The following PALMD variants were observed in gnomAD, a reference collection of about 807,000 sequenced individuals.
The protein encoded by PALMD is paralemmin-like protein.
In PALMD, 42 loss-of-function variants were observed where a neutral mutation model predicts 56.2. That is an observed-to-expected ratio of 0.75 (90% confidence interval 0.58 to 0.97). The LOEUF (loss-of-function observed/expected upper bound fraction) is 0.97. PALMD is among the 50% of genes least tolerant of loss of function. PALMD has a pLI of 0.00. For synonymous variants in PALMD, 242 were observed against 222.9 expected, an observed-to-expected ratio of 1.09 and a Z score of -0.76; for missense variants, 660 against 643.8, an observed-to-expected ratio of 1.03 and a Z score of -0.27.
rs144467486 is a variant in PALMD at position 99,659,510 on chromosome 1, T to C, written c.46-2809T>C. On this transcript the variant is annotated intron_variant, in intron 1 of 7. Coordinates refer to ENST00000263174, the MANE Select transcript of PALMD (RefSeq NM_017734.5). ...CTATCTATAGAAGTGCTCCAGGTTC[T>C]GGGGAAATTTAGGGAAGCAGGTGGC... Among the ~76,000 whole-genome samples, 248 of 152,328 alleles carry C rather than the reference T, an allele frequency of 1.6e-3. 1 individual carries two copies. The highest frequency in any genetic ancestry group is 5.6e-3 in the African/African-American group (231 of 41,574).
At position 99,689,619 on chromosome 1, in the gene PALMD, GGAT is replaced by G; in HGVS notation, c.1362_1364del (p.Asp454del). ...TTGTGATTGATGATGAGGAGGAGGA[GGAT>G]GAAGGAGAAGCAGAGAAACCGTCCT... On this transcript the variant is annotated inframe_deletion, in exon 7 of 8. Coordinates refer to ENST00000263174, the MANE Select transcript of PALMD (RefSeq NM_017734.5). The G allele has an allele frequency of 6.2e-7, 1 of 1,613,782 alleles. No homozygotes were observed. The highest frequency in any genetic ancestry group is 8.5e-7 in the Non-Finnish European group (1 of 1,179,846).
intron 3 of PALMD, chr1:99,684,541 T>TTTTG (rs112057007): frequency 0.081 from 12,329 of 152,240 alleles, 1,084 homozygotes; most frequent in African/African-American, 0.22. Flanking sequence ...GTTTGTTTGT[T>TTTTG]AGCCCAGATC....
At chr1:99,689,912 T>C in intron 7 of PALMD, 40 bp downstream of exon 7, 1 of 1,536,362 alleles carries the variant, frequency 6.5e-7, no homozygotes, top group South Asian at 1.3e-5. Flanking sequence ...TGTTCAGTCA[T>C]GTGACCAGCT....
At chr1:99,676,761 A>G (rs1571069867) in intron 3 of PALMD, among the ~76,000 whole-genome samples, 1 of 151,714 alleles carries the variant, frequency 6.6e-6, no homozygotes, top group Non-Finnish European at 1.5e-5. Context: ...GATGAAATTT[A>G]TTAAACCCCA....
At chr1:99,672,737 C>A (rs1653113578) in intron 3 of PALMD, among the ~76,000 whole-genome samples, 1 of 152,166 alleles carries the variant, frequency 6.6e-6, no homozygotes, top group African/African-American at 2.4e-5. Flanking sequence ...CACAGAGCGC[C>A]TGACAGAAAT....
intron 1 of PALMD, among the ~76,000 whole-genome samples, chr1:99,647,973 C>T (rs752339785): frequency 3.3e-5 from 5 of 152,106 alleles, no homozygotes; most frequent in East Asian, 1.9e-4. Flanking sequence ...AGGTTCCAAA[C>T]GCAAATAGAG....
chr1:99,665,309 A>G (rs1652938496), intron 2 of PALMD, among the ~76,000 whole-genome samples: 1 of 152,142 alleles, frequency 6.6e-6, no homozygotes, highest in Non-Finnish European at 1.5e-5. Context: ...ATTTCATTGT[A>G]AAGTAGATTT....
At chr1:99,658,410 G>C (rs1206072162) in intron 1 of PALMD, among the ~76,000 whole-genome samples, 4 of 151,970 alleles carry the variant, frequency 2.6e-5, no homozygotes, top group African/African-American at 4.8e-5. Flanking sequence ...TAGGAGGATT[G>C]CTTGAGCTCA....
At position 99,689,714 on chromosome 1, in the gene PALMD, G is replaced by A; in HGVS notation, c.1454G>A (p.Arg485Lys). ...PAKPTPLPRK[R>K]SEASPHENTN... Reference sequence around the variant, plus strand: ...AAACCAACACCACTTCCTAGAAAAAGATCAGAAGCTAGTCCTCATGAAAAC... The same window carrying A: ...AAACCAACACCACTTCCTAGAAAAAAATCAGAAGCTAGTCCTCATGAAAAC... Residue 485 changes from arginine to lysine, a missense_variant, in exon 7 of 8, where the codon AGA becomes AAA. Physicochemically the swap from Arg to Lys is conservative, Grantham distance 26. Coordinates refer to ENST00000263174, the MANE Select transcript of PALMD (RefSeq NM_017734.5). 6.2e-7 allele frequency: 1 copy of A among 1,613,728 alleles called. No individual in the cohort carries two copies. The highest frequency in any genetic ancestry group is 8.5e-7 in the Non-Finnish European group (1 of 1,179,828).
intron 2 of PALMD, among the ~76,000 whole-genome samples, chr1:99,666,629 G>T (rs1052268199): frequency 1.3e-5 from 2 of 152,022 alleles, no homozygotes; most frequent in Non-Finnish European, 2.9e-5. Flanking sequence ...AATCCCCAAT[G>T]AATAATTAAC....
intron 1 of PALMD, among the ~76,000 whole-genome samples, chr1:99,648,347 C>A (rs567963444): frequency 2.0e-5 from 3 of 152,154 alleles, no homozygotes; most frequent in Non-Finnish European, 4.4e-5. Context: ...CCCTCTTGGA[C>A]GCCCTGGGAC....
chr1:99,664,920 C>A (rs1652926769), intron 2 of PALMD, among the ~76,000 whole-genome samples: 1 of 152,158 alleles, frequency 6.6e-6, no homozygotes, highest in Non-Finnish European at 1.5e-5. Context: ...TGTAGTAACT[C>A]CCTCTGATAT....
intron 3 of PALMD, among the ~76,000 whole-genome samples, chr1:99,682,374 G>A (rs906344936): frequency 8.5e-5 from 13 of 152,186 alleles, no homozygotes; most frequent in Non-Finnish European, 1.9e-4. Context: ...ATGGGAGGGA[G>A]GTGTTTGTTT....
In PALMD at chr1:99,689,810, T is replaced by C. The variant is rs1348576325; in HGVS notation, c.1550T>C (p.Val517Ala). ...CAAGAAGAAAGCTTAGGCAGCCCTG[T>C]CCACCATTCCCCATTTGATGCTCAG... ...KEQEESLGSP[V>A]HHSPFDAQTT... Residue 517 changes from valine (V) to alanine (A), a missense_variant, in exon 7 of 8, where the codon GTC becomes GCC. Coordinates refer to ENST00000263174, the MANE Select transcript of PALMD (RefSeq NM_017734.5). The C allele has an allele frequency of 1.2e-6, 2 of 1,613,328 alleles. No individual in the cohort carries two copies. The highest frequency in any genetic ancestry group is 2.2e-5 in the East Asian group (1 of 44,862).
intron 3 of PALMD, among the ~76,000 whole-genome samples, chr1:99,682,736 G>C (rs576131358): frequency 1.3e-5 from 2 of 151,724 alleles, no homozygotes; most frequent in African/African-American, 4.8e-5. Flanking sequence ...TGAAGTCATC[G>C]GGCTCATGCC....
chr1:99,664,992 A>T (rs115634543), intron 2 of PALMD, among the ~76,000 whole-genome samples: 8,781 of 152,142 alleles, frequency 0.058, 356 homozygotes, highest in Middle Eastern at 0.11. Context: ...TTTCTGGGAC[A>T]TTTTTTACAT....
At chr1:99,690,297 C>A (rs1032293290) in intron 7 of PALMD, among the ~76,000 whole-genome samples, 2 of 152,110 alleles carry the variant, frequency 1.3e-5, no homozygotes, top group African/African-American at 4.8e-5. Context: ...CAAGAAAGTA[C>A]AAGAAACAAA....
chr1:99,660,338 G>C (rs544025443), intron 1 of PALMD, among the ~76,000 whole-genome samples: 1 of 152,230 alleles, frequency 6.6e-6, no homozygotes, highest in East Asian at 1.9e-4. Flanking sequence ...TCCTGGCTCC[G>C]ACAATTGTCA....
intron 3 of PALMD, chr1:99,684,510 A>C (rs1653443208): frequency 6.6e-6 from 1 of 150,720 alleles, no homozygotes; most frequent in African/African-American, 2.5e-5. Flanking sequence ...GAATAAAGAC[A>C]ATGAGTTTTA....
Sources: gnomAD v4.1 joint callset for allele counts (sites outside exome capture counted in the v4.1 genomes callset) on GRCh38, gnomAD v4.1.1 for gene constraint, MANE v1.5 for transcripts, NCBI Gene and HGNC (gene_info 2026-07-23, HGNC 2026-07-21) for gene names.